EFCAB7: variants seen among roughly 807,000 people sequenced by gnomAD.
EFCAB7 encodes the protein EF-hand calcium-binding domain-containing protein 7.
EFCAB7 carries 66 observed loss-of-function variants against 77.1 expected under a neutral mutation model. That is an observed-to-expected ratio of 0.86 (90% CI 0.70 to 1.05). The LOEUF is 1.05. Among genes scored for constraint, EFCAB7 ranks in the 50% least tolerant of loss-of-function variants. EFCAB7 has a pLI of 0.00. For missense variants in EFCAB7, 638 were observed against 730.5 expected, an observed-to-expected ratio of 0.87 and a Z score of 1.46; for synonymous variants, 225 against 243.3, an observed-to-expected ratio of 0.92 and a Z score of 0.70.
intron 10 of EFCAB7, 81 bp downstream of exon 10, chr1:63,557,328 ACTT>A: frequency 7.7e-7 from 1 of 1,294,374 alleles, no homozygotes; most frequent in Non-Finnish European, 1.0e-6. Flanking sequence ...GAGAAGTCAA[ACTT>A]CTGCATGAAA....
intron 7 of EFCAB7, chr1:63,548,782 T>C (rs952695032): frequency 2.0e-5 from 3 of 152,400 alleles, no homozygotes; most frequent in Admixed American, 2.0e-4. Context: ...ATTAACTTTT[T>C]CTTATTGTTA....
At chr1:63,561,883 A>G (rs370458257) in intron 11 of EFCAB7, 26 bp downstream of exon 11, 40 of 1,526,426 alleles carry the variant, frequency 2.6e-5, no homozygotes, top group African/African-American at 9.8e-5. Flanking sequence ...ACTTTTGCCA[A>G]TGGGTTTAAT....
the EFCAB7 span, among the ~76,000 whole-genome samples, chr1:63,578,147 G>T: frequency 6.6e-6 from 1 of 152,134 alleles, no homozygotes; most frequent in Non-Finnish European, 1.5e-5. Context: ...TTCTGTAACT[G>T]AACTTTAAGT....
chr1:63,546,369 CTT>C (rs937175159), intron 7 of EFCAB7, among the ~76,000 whole-genome samples: 2 of 146,158 alleles, frequency 1.4e-5, no homozygotes, highest in South Asian at 4.3e-4. Flanking sequence ...ATAGAACTAA[CTT>C]TTTTTTTTTT....
chr1:63,574,269 G>T (rs943086025), downstream of EFCAB7, among the ~76,000 whole-genome samples: 2 of 152,268 alleles, frequency 1.3e-5, no homozygotes, highest in South Asian at 4.2e-4. Context: ...TCCCATGATG[G>T]AAAGGAAATG....
At chr1:63,576,925 G>A (rs1003576921), downstream of EFCAB7, among the ~76,000 whole-genome samples, 28 of 151,740 alleles carry the variant, frequency 1.8e-4, no homozygotes, top group Non-Finnish European at 1.6e-4. Context: ...CGAGGCAGGC[G>A]GATCACAAAA....
At chr1:63,545,865 C>G (rs746422335) in intron 6 of EFCAB7, 51 bp from the exon 7 acceptor site, 1 of 1,507,310 alleles carries the variant, frequency 6.6e-7, no homozygotes, top group Non-Finnish European at 9.2e-7. Context: ...ACTATGCATA[C>G]TGGAAACATT....
At chr1:63,543,560 T>A (rs555677881) in intron 6 of EFCAB7, among the ~76,000 whole-genome samples, 326 of 152,342 alleles carry the variant, frequency 2.1e-3, no homozygotes, top group African/African-American at 7.6e-3. Flanking sequence ...TAATAAAATA[T>A]GAAAATAATT....
chr1:63,570,991 A>G, intron 12 of EFCAB7, 30 bp from the exon 13 acceptor site: 1 of 1,473,118 alleles, frequency 6.8e-7, no homozygotes, highest in African/African-American at 1.4e-5. Context: ...AAAGAAAGGA[A>G]TAGCAGCTTA....
intron 12 of EFCAB7, chr1:63,568,790 A>C (rs545569676): frequency 1.9e-4 from 54 of 280,986 alleles, no homozygotes; most frequent in South Asian, 1.9e-4. Context: ...ATCTGGGTAC[A>C]AAGTATTTTA....
Position 63,532,022 on chromosome 1 carries a change from T to A in EFCAB7, c.390T>A (p.Phe130Leu), listed in dbSNP as rs1033797506. 6.2e-7 allele frequency: 1 copy of A among 1,607,082 alleles called. No homozygotes were observed. Among genetic ancestry groups the A allele is most frequent in the Non-Finnish European group, 8.5e-7 (1 of 1,175,740 alleles). ...GCILHTDLYKFLTKRGEKMTR... is the reference protein window; with the variant it reads ...GCILHTDLYKLLTKRGEKMTR... ...TTTTACACACTGACCTTTATAAATT[T>A]CTAACAAAGGTAAGATCTGTAAAAC... Residue 130 changes from phenylalanine to leucine, a missense_variant, in exon 3 of 14, where the codon TTT becomes TTA. Phe to Leu is a conservative substitution (Grantham distance 22). Coordinates refer to ENST00000371088, the MANE Select transcript of EFCAB7 (RefSeq NM_032437.4).
chr1:63,575,109 A>G (rs1647374635), downstream of EFCAB7, among the ~76,000 whole-genome samples: 1 of 152,172 alleles, frequency 6.6e-6, no homozygotes, highest in Non-Finnish European at 1.5e-5. Flanking sequence ...CTAATTATCT[A>G]ACATGCAGTT....
chr1:63,525,790 CTTTT>C (rs1179176597), intron 2 of EFCAB7, 31 bp downstream of exon 2: 1 of 1,438,712 alleles, frequency 7.0e-7, no homozygotes, highest in East Asian at 2.6e-5. Flanking sequence ...AATCTTTCAC[CTTTT>C]TGTTGAAAGT....
At chr1:63,530,720 G>C (rs1240334349) in intron 2 of EFCAB7, among the ~76,000 whole-genome samples, 1 of 152,086 alleles carries the variant, frequency 6.6e-6, no homozygotes, top group African/African-American at 2.4e-5. Flanking sequence ...CCTGCAAAGG[G>C]ATACTTTATG....
chr1:63,554,266 T>C (rs932831840), intron 8 of EFCAB7, among the ~76,000 whole-genome samples: 3 of 152,242 alleles, frequency 2.0e-5, no homozygotes, highest in African/African-American at 7.2e-5. Flanking sequence ...AGCTGCTAGC[T>C]TTTATAGGAA....
At chr1:63,556,118 G>C (rs1380735872) in intron 9 of EFCAB7, among the ~76,000 whole-genome samples, 2 of 152,078 alleles carry the variant, frequency 1.3e-5, no homozygotes, top group Non-Finnish European at 2.9e-5. Flanking sequence ...GTAGTGGGGG[G>C]GTTGGGGATA....
At chr1:63,557,309 C>CT (rs1570428312) in intron 10 of EFCAB7, 62 bp downstream of exon 10, 1 of 1,447,984 alleles carries the variant, frequency 6.9e-7, no homozygotes, top group Non-Finnish European at 9.2e-7. Flanking sequence ...CTTTTCATCT[C>CT]TAAGAAATGA....
At position 63,549,402 on chromosome 1, in the gene EFCAB7, T is replaced by A; in HGVS notation, c.947-2323T>A. On this transcript the variant is annotated intron_variant, in intron 7 of 13. Coordinates refer to ENST00000371088, the MANE Select transcript of EFCAB7 (RefSeq NM_032437.4). ...TCTTTTTTAGTTGATGCCAAAGAGT[T>A]CCAATATTGAACATCTTAAGTCTGT... is the stretch of plus-strand genomic sequence containing the variant. The A allele has an allele frequency of 4.3e-6, 2 of 469,526 alleles. 1 individual carries two copies. Among genetic ancestry groups the A allele is most frequent in the South Asian group, 3.1e-5 (2 of 64,166 alleles). 29.1% of individuals were successfully genotyped at this position (469,526 alleles called of 1,614,324 possible). A position where few individuals can be genotyped will look rare whatever the true frequency, so the allele number is the denominator to read the frequency against.
intron 6 of EFCAB7, among the ~76,000 whole-genome samples, chr1:63,540,363 C>CAAAAAAAA (rs758025864): frequency 2.3e-5 from 1 of 44,330 alleles, no homozygotes; most frequent in African/African-American, 7.6e-5. Context: ...GACTCCATCT[C>CAAAAAAAA]AAAAAAAAAA....
Sources: gnomAD v4.1 joint callset for allele counts (sites outside exome capture counted in the v4.1 genomes callset) on GRCh38, gnomAD v4.1.1 for gene constraint, MANE v1.5 for transcripts, NCBI Gene and HGNC (gene_info 2026-07-23, HGNC 2026-07-21) for gene names.